CALR: variants seen among roughly 807,000 people sequenced by gnomAD.
CALR encodes the protein CRP55.
Under a neutral mutation model 51.1 loss-of-function variants are expected in CALR, and 15 were observed. That is an observed-to-expected ratio of 0.29 (90% CI 0.20 to 0.45). The LOEUF (loss-of-function observed/expected upper bound fraction) is 0.45, where lower values mean the gene tolerates loss of function less well. CALR is among the 20% of genes least tolerant of loss of function. The pLI is 1.00. For synonymous variants in CALR, 239 were observed against 205.9 expected (o/e 1.16, Z -1.38); for missense variants, 477 against 530.6 (o/e 0.90, Z 0.99).
intron 5 of CALR, 34 bp downstream of exon 5, chr19:12,940,486 T>C (rs1399921979): frequency 1.2e-6 from 2 of 1,611,420 alleles, no homozygotes; most frequent in South Asian, 2.2e-5. Context: ...GCTCTCCACA[T>C]TGGAGGGTGT....
rs920676195 is a variant in CALR at position 12,944,365 on chromosome 19, C to T, written c.*452C>T. The T allele has an allele frequency of 4.3e-5, 11 of 253,444 alleles. No individual in the cohort carries two copies. The highest frequency in any genetic ancestry group is 8.6e-5 in the Non-Finnish European group (11 of 127,352). 15.7% of individuals were successfully genotyped at this position (253,444 alleles called of 1,614,324 possible). A position where few individuals can be genotyped will look rare whatever the true frequency, so the allele number is the denominator to read the frequency against. On this transcript the variant is annotated 3_prime_UTR_variant, in exon 9 of 9. Transcript: ENST00000316448. ...AGAACGGGGCTCTTCTCATTTCACC[C>T]CTCCCTTTCTCCCCTGCCCCCAGGA...
At chr19:12,941,525 G>A (rs1971546554) in intron 7 of CALR, among the ~76,000 whole-genome samples, 7 of 144,728 alleles carry the variant, frequency 4.8e-5, no homozygotes, top group Admixed American at 4.3e-4. Context: ...AGGCTGGAGT[G>A]CAGTGGTGTG....
At position 12,940,765 on chromosome 19, in the gene CALR, A is replaced by G. The variant is rs752760579; in HGVS notation, c.838A>G (p.Ile280Val). ...EYKGEWKPRQ[I>V]DNPDYKGTWI... is the part of the protein sequence containing the mutation. ...GCAGGGTGAGTGGAAGCCCCGGCAG[A>G]TCGACAACCCAGATTACAAGGGCAC... Residue 280 changes from isoleucine to valine, a missense_variant, in exon 7 of 9, where the codon ATC becomes GTC. Transcript: ENST00000316448. The G allele has an allele frequency of 2.5e-6, 4 of 1,614,134 alleles. No homozygotes were observed. Among genetic ancestry groups the G allele is most frequent in the South Asian group, 1.1e-5 (1 of 91,080 alleles).
At position 12,938,784 on chromosome 19, in the gene CALR, C is replaced by A; in HGVS notation, c.91+14C>A. ...TTCTGGACGGAGGTAACGCCTGGTCCCGCCTCGAGGCCGCCCCGACGACGC... is the reference window on the plus strand; with the variant it reads ...TTCTGGACGGAGGTAACGCCTGGTCACGCCTCGAGGCCGCCCCGACGACGC... On this transcript the variant is annotated intron_variant, in intron 1 of 8. Transcript: ENST00000316448. The A allele has an allele frequency of 6.3e-7, 1 of 1,591,024 alleles. No individual in the cohort carries two copies. The highest frequency in any genetic ancestry group is 8.6e-7 in the Non-Finnish European group (1 of 1,164,814).
Position 12,939,602 on chromosome 19 carries a change from A to G in CALR, c.368A>G (p.His123Arg). The part of the protein sequence containing the change: ...FPNSLDQTDM[H>R]GDSEYNIMFG... ...AATAGTTTGGACCAGACAGACATGCACGGAGACTCAGAATACAACATCATG... is the reference window on the plus strand; with the variant it reads ...AATAGTTTGGACCAGACAGACATGCGCGGAGACTCAGAATACAACATCATG... Residue 123 changes from histidine (H) to arginine (R), a missense_variant, in exon 3 of 9, where the codon CAC (histidine) becomes CGC (arginine). Physicochemically the swap from His to Arg is conservative, Grantham distance 29. Transcript: ENST00000316448. 6.2e-7 allele frequency: 1 copy of G among 1,614,074 alleles called. No individual in the cohort carries two copies. The highest frequency in any genetic ancestry group is 8.5e-7 in the Non-Finnish European group (1 of 1,179,980).
chr19:12,944,078 C>T lies in CALR; in HGVS notation c.*165C>T, dbSNP rs1342232072. The stretch of plus-strand genomic sequence containing the variant: ...TTCCCCTCCTCCACTCTCCCCCACC[C>T]CCTCCCCGCCCTTTTTTTTTTTTTT... On this transcript the variant is annotated 3_prime_UTR_variant, in exon 9 of 9. Coordinates refer to ENST00000316448, the MANE Select transcript of CALR (RefSeq NM_004343.4). 16 of 1,081,410 alleles carry T rather than the reference C, an allele frequency of 1.5e-5. No individual in the cohort carries two copies. Among genetic ancestry groups the T allele is most frequent in the Non-Finnish European group, 2.1e-5 (16 of 772,906 alleles). 67.0% of individuals were successfully genotyped at this position (1,081,410 alleles called of 1,614,324 possible).
chr19:12,943,890 G>C lies in CALR; in HGVS notation c.1231G>C (p.Gly411Arg), dbSNP rs746740154. The C allele has an allele frequency of 6.3e-7, 1 of 1,596,610 alleles. No individual in the cohort carries two copies. The highest frequency in any genetic ancestry group is 8.5e-7 in the Non-Finnish European group (1 of 1,172,438). ...GGAAGATGAGGAGGAAGATGTCCCC[G>C]GCCAGGCCAAGGACGAGCTGTAGAG... ...KEEDEEEDVP[G>R]QAKDEL Residue 411 changes from glycine to arginine, a missense_variant, in exon 9 of 9, where the codon GGC (glycine) becomes CGC (arginine). Transcript: ENST00000316448.
At chr19:12,942,649 C>T (rs1455202315) in intron 7 of CALR, among the ~76,000 whole-genome samples, 1 of 148,332 alleles carries the variant, frequency 6.7e-6, no homozygotes, top group Non-Finnish European at 1.5e-5. Flanking sequence ...GGTTGGAGTG[C>T]AGTGGCTTGA....
chr19:12,941,301 A>ATT (rs537663050), intron 7 of CALR, among the ~76,000 whole-genome samples: 6 of 148,498 alleles, frequency 4.0e-5, no homozygotes, highest in Admixed American at 4.0e-4. Context: ...TACAAAAAAA[A>ATT]TTTTTTTTTT....
intron 2 of CALR, 63 bp downstream of exon 2, chr19:12,939,298 A>G: frequency 7.0e-7 from 1 of 1,425,564 alleles, no homozygotes; most frequent in Admixed American, 1.9e-5. Context: ...CCTTGTCTGT[A>G]CACACACAGC....
chr19:12,942,113 A>G (rs1315658145), intron 7 of CALR, among the ~76,000 whole-genome samples: 1 of 151,452 alleles, frequency 6.6e-6, no homozygotes, highest in Non-Finnish European at 1.5e-5. Flanking sequence ...TAATCCCAGC[A>G]CTTTGGGAGG....
chr19:12,939,118 C>T lies in CALR; in HGVS notation c.92-16C>T, dbSNP rs1196047744. On this transcript the variant is annotated splice_polypyrimidine_tract_variant and intron_variant, in intron 1 of 8. Transcript: ENST00000316448. ...AGCACAGCCGCTCTGACCTACCCCT[C>T]TAATCCCCCACTTAGACGGGTGGAC... is the stretch of plus-strand genomic sequence containing the variant. 5 of 1,537,850 alleles carry T rather than the reference C, an allele frequency of 3.3e-6. No homozygotes were observed. In the Admixed American group the frequency reaches 9.0e-5, roughly 28 times the overall value.
chr19:12,938,992 G>A (rs1971505881), intron 1 of CALR, 142 bp from the exon 2 acceptor site: 1 of 717,766 alleles, frequency 1.4e-6, no homozygotes, highest in Non-Finnish European at 2.5e-6. Context: ...GAAGGCACCC[G>A]ACGTGTCAAA....
At chr19:12,941,693 C>T (rs1971549592) in intron 7 of CALR, among the ~76,000 whole-genome samples, 1 of 151,404 alleles carries the variant, frequency 6.6e-6, no homozygotes, top group South Asian at 2.1e-4. Context: ...CCGTGTTAGC[C>T]AGGATGGTCT....
At chr19:12,942,430 G>A (rs1388152350) in intron 7 of CALR, among the ~76,000 whole-genome samples, 2 of 151,508 alleles carry the variant, frequency 1.3e-5, no homozygotes, top group Non-Finnish European at 2.9e-5. Context: ...CTGTGCCCAA[G>A]ACAGTTCTGG....
intron 1 of CALR, 163 bp from the exon 2 acceptor site, chr19:12,938,971 C>G (rs2146011695): frequency 1.4e-6 from 1 of 715,698 alleles, no homozygotes; most frequent in Non-Finnish European, 2.5e-6. Flanking sequence ...AGGGTTAGCC[C>G]GAGGATCTCT....
At chr19:12,943,414 C>T (rs1054096417) in intron 7 of CALR, 123 bp from the exon 8 acceptor site, 2 of 856,666 alleles carry the variant, frequency 2.3e-6, no homozygotes, top group Non-Finnish European at 2.0e-6. Flanking sequence ...CAGCGGTGTT[C>T]CTTGTCTTCT....
At chr19:12,941,112 C>G (rs1053475574) in intron 7 of CALR, among the ~76,000 whole-genome samples, 1 of 152,142 alleles carries the variant, frequency 6.6e-6, no homozygotes, top group Admixed American at 6.6e-5. Flanking sequence ...TGCAAATCAA[C>G]TTCTTTACCC....
chr19:12,943,317 CTCGTGATCCGCCCACCTTGGCCTCTGG>C, intron 7 of CALR, 193 bp from the exon 8 acceptor site: 1 of 579,426 alleles, frequency 1.7e-6, no homozygotes, highest in Admixed American at 2.7e-5. Flanking sequence ...ATCTCCTGAC[CTCGTGATCCGCCCACCTTGGCCTCTGG>C]GCGAGGATTA....
Sources: gnomAD v4.1 joint callset for allele counts (sites outside exome capture counted in the v4.1 genomes callset) on GRCh38, gnomAD v4.1.1 for gene constraint, MANE v1.5 for transcripts, NCBI Gene and HGNC (gene_info 2026-07-23, HGNC 2026-07-21) for gene names.